Variants in SMARCAD1 observed in about 807,000 individuals in gnomAD.
SMARCAD1 encodes the protein SWI/SNF-related matrix-associated actin-dependent regulator of chromatin subfamily A containing DEAD/H box 1.
In SMARCAD1, 25 loss-of-function variants were observed where a neutral mutation model predicts 127.1. The observed-to-expected ratio is 0.20, with a 90% confidence interval of 0.14 to 0.27. The LOEUF (loss-of-function observed/expected upper bound fraction) is 0.27. SMARCAD1 is among the 10% of genes least tolerant of loss of function. The pLI, the probability that SMARCAD1 is intolerant of heterozygous loss-of-function variation, is 1.00. For missense variants in SMARCAD1, 807 were observed against 1,206.0 expected (o/e 0.67, Z 4.90); for synonymous variants, 400 against 396.9 (o/e 1.01, Z -0.09).
In SMARCAD1 at chr4:94,275,800, T is replaced by TATTTTATTTTATTTATTTA. The variant is rs1309423240; in HGVS notation, c.1809-539_1809-538insATTTTATTTTATTTATTTA. Among the ~76,000 whole-genome samples the TATTTTATTTTATTTATTTA allele has an allele frequency of 7.8e-5, 11 of 141,172 alleles. 1 individual carries two copies. The highest frequency in any genetic ancestry group is 7.0e-4 in the South Asian group (3 of 4,314). 92.6% of individuals were successfully genotyped at this position (141,172 alleles called of 152,430 possible). ...CGATTGTAACATTAACATTTTCTTT[T>TATTTTATTTTATTTATTTA]TTTTTTTTTTTTTTGAGACGGAGTC... On this transcript the variant is annotated intron_variant, in intron 14 of 23. Coordinates refer to ENST00000354268, the MANE Select transcript of SMARCAD1 (RefSeq NM_020159.5).
intron 4 of SMARCAD1, among the ~76,000 whole-genome samples, chr4:94,236,028 T>C (rs1324456642): frequency 2.6e-5 from 4 of 152,126 alleles, no homozygotes; most frequent in Non-Finnish European, 5.9e-5. Flanking sequence ...TGTTTATAAA[T>C]TACTCAACAA....
intron 8 of SMARCAD1, among the ~76,000 whole-genome samples, chr4:94,251,662 G>A (rs1346793766): frequency 3.3e-5 from 5 of 152,076 alleles, no homozygotes; most frequent in African/African-American, 1.2e-4. Flanking sequence ...ATCTGTGTAA[G>A]TCTAATAGCT....
At chr4:94,262,811 G>A (rs557807286) in intron 9 of SMARCAD1, among the ~76,000 whole-genome samples, 15 of 147,504 alleles carry the variant, frequency 1.0e-4, no homozygotes, top group East Asian at 4.0e-4. Context: ...TGTTACTTGT[G>A]TTTCCCAATG....
intron 9 of SMARCAD1, among the ~76,000 whole-genome samples, chr4:94,258,753 G>C (rs1333167690): frequency 6.6e-6 from 1 of 152,154 alleles, no homozygotes; most frequent in African/African-American, 2.4e-5. Context: ...CTGTAAGTGG[G>C]GTGTAATTAT....
At chr4:94,276,906 T>C (rs544209900) in intron 15 of SMARCAD1, 116 bp from the exon 16 acceptor site, 2 of 1,061,108 alleles carry the variant, frequency 1.9e-6, no homozygotes, top group African/African-American at 3.2e-5. Context: ...GAATGTTAAA[T>C]TATTAATAAT....
intron 14 of SMARCAD1, among the ~76,000 whole-genome samples, chr4:94,275,796 C>CTTTTATTTTTTT (rs1553920714): frequency 9.4e-5 from 8 of 85,402 alleles, no homozygotes; most frequent in African/African-American, 3.0e-4. Context: ...TTAACATTTT[C>CTTTTATTTTTTT]TTTTTTTTTT....
chr4:94,263,939 GTTCTGATATAGCTT>G lies in SMARCAD1; in HGVS notation c.1282-765_1282-752del, dbSNP rs1560551107. Among the ~76,000 whole-genome samples the G allele has an allele frequency of 2.0e-5, 3 of 151,824 alleles. No homozygotes were observed. In the South Asian group the frequency reaches 6.2e-4, roughly 31 times the overall value. On this transcript the variant is annotated intron_variant, in intron 9 of 23. Transcript: ENST00000354268. ...TCAGCTATCTATCTGAAAAATTCTA[GTTCTGATATAGCTT>G]TTACATATGAAGTATTCAGTGCCTC...
At chr4:94,215,324 T>C (rs1742996661) in intron 2 of SMARCAD1, among the ~76,000 whole-genome samples, 1 of 152,162 alleles carries the variant, frequency 6.6e-6, no homozygotes, top group Non-Finnish European at 1.5e-5. Context: ...GCATTTTAAA[T>C]GTGCATGTAT....
At chr4:94,282,300 G>C (rs1372368221) in intron 21 of SMARCAD1, among the ~76,000 whole-genome samples, 3 of 149,184 alleles carry the variant, frequency 2.0e-5, no homozygotes, top group Non-Finnish European at 3.0e-5. Flanking sequence ...GTTTCACCGT[G>C]TTAGCCAGGA....
intron 2 of SMARCAD1, among the ~76,000 whole-genome samples, chr4:94,215,172 T>C (rs1267306929): frequency 6.6e-6 from 1 of 152,230 alleles, no homozygotes; most frequent in African/African-American, 2.4e-5. Context: ...ATGTGAGCCA[T>C]CGTTAAACCT....
intron 6 of SMARCAD1, among the ~76,000 whole-genome samples, chr4:94,249,102 TATTA>T (rs909198540): frequency 6.6e-6 from 1 of 152,138 alleles, no homozygotes; most frequent in Non-Finnish European, 1.5e-5. Context: ...ACAATTCTCA[TATTA>T]ATTAATCTGT....
At chr4:94,286,213 G>T (rs552132290) in intron 23 of SMARCAD1, among the ~76,000 whole-genome samples, 2 of 152,200 alleles carry the variant, frequency 1.3e-5, no homozygotes, top group African/African-American at 4.8e-5. Flanking sequence ...AAGGAGGGAG[G>T]TTTGTTCTCT....
chr4:94,281,504 C>A lies in SMARCAD1; in HGVS notation c.2640C>A (p.Thr880=). 6.2e-7 allele frequency: 1 copy of A among 1,612,818 alleles called. No homozygotes were observed. The highest frequency in any genetic ancestry group is 8.5e-7 in the Non-Finnish European group (1 of 1,179,106). The change falls in exon 21 of 24, where the codon ACC becomes ACA. Residue 880 remains threonine (T), a synonymous_variant. Transcript: ENST00000354268. ...GAGTTGTGTTATTTAGCCAATTTACCATGATGCTGGATATCTTAGAGGTTC... is the reference window on the plus strand; with the variant it reads ...GAGTTGTGTTATTTAGCCAATTTACAATGATGCTGGATATCTTAGAGGTTC... ...GDRVVLFSQF[T]MMLDILEVLL...
chr4:94,270,640 C>A, intron 10 of SMARCAD1, 88 bp from the exon 11 acceptor site: 1 of 1,068,946 alleles, frequency 9.4e-7, no homozygotes, highest in Non-Finnish European at 1.5e-6. Flanking sequence ...TAGACCTAGG[C>A]ATTTTAGTTT....
intron 9 of SMARCAD1, among the ~76,000 whole-genome samples, chr4:94,254,117 AAAC>A (rs1016768822): frequency 1.1e-4 from 16 of 152,148 alleles, no homozygotes; most frequent in Admixed American, 6.5e-5. Context: ...AAAAATACAG[AAAC>A]AACATTAATA....
At chr4:94,282,100 G>GTTATTT (rs1293072163) in intron 21 of SMARCAD1, among the ~76,000 whole-genome samples, 1 of 74,964 alleles carries the variant, frequency 1.3e-5, no homozygotes, top group African/African-American at 5.5e-5. Context: ...ACGTTTTTTT[G>GTTATTT]TTTTTTTTTT....
intron 6 of SMARCAD1, among the ~76,000 whole-genome samples, chr4:94,243,393 C>T (rs1169140172): frequency 6.6e-6 from 1 of 152,098 alleles, no homozygotes; most frequent in East Asian, 1.9e-4. Flanking sequence ...TCAAGTATAC[C>T]ATTTCTACTT....
chr4:94,249,819 T>TA (rs1287031730), intron 7 of SMARCAD1, 64 bp downstream of exon 7: 63 of 940,906 alleles, frequency 6.7e-5, no homozygotes, highest in Middle Eastern at 3.0e-4. Context: ...AAAATAGTGT[T>TA]AAGAGTTCAA....
intron 10 of SMARCAD1, among the ~76,000 whole-genome samples, chr4:94,266,048 C>T (rs1379505150): frequency 6.6e-6 from 1 of 152,002 alleles, no homozygotes; most frequent in East Asian, 1.9e-4. Flanking sequence ...ACAATCTTTT[C>T]TGTGCCCTTC....
Sources: allele counts gnomAD v4.1 joint callset (sites outside exome capture counted in the v4.1 genomes callset), GRCh38; gene constraint gnomAD v4.1.1; transcripts MANE v1.5; gene names NCBI Gene and HGNC (gene_info 2026-07-23, HGNC 2026-07-21).